Variants in IL18BP observed in about 807,000 individuals in gnomAD.
The protein encoded by IL18BP is interleukin-18-binding protein.
IL18BP carries 23 observed loss-of-function variants against 19.9 expected under a neutral mutation model. That is an observed-to-expected ratio of 1.15 (90% CI 0.83 to 1.64). The LOEUF (loss-of-function observed/expected upper bound fraction) is 1.64, where lower values mean the gene tolerates loss of function less well. Ranked by LOEUF, IL18BP falls within the 40% of genes most tolerant of loss-of-function variation. The probability of loss-of-function intolerance (pLI) is 0.00; values close to 1 mark genes in which losing one functional copy is unlikely to be tolerated. For synonymous variants in IL18BP, 107 were observed against 101.0 expected, an observed-to-expected ratio of 1.06 and a Z score of -0.35; for missense variants, 239 against 240.7, an observed-to-expected ratio of 0.99 and a Z score of 0.05.
Position 72,000,464 on chromosome 11 carries a change from A to G in IL18BP, c.142A>G (p.Lys48Glu). The G allele has an allele frequency of 1.2e-6, 2 of 1,613,912 alleles. No individual in the cohort carries two copies. Among genetic ancestry groups the G allele is most frequent in the Non-Finnish European group, 1.7e-6 (2 of 1,180,006 alleles). The change falls in exon 3 of 6, where the codon AAG becomes GAG. Residue 48 changes from lysine (K) to glutamate (E), a missense_variant. Physicochemically the swap from Lys to Glu is moderately conservative, Grantham distance 56 (BLOSUM62 1). Coordinates refer to ENST00000393703, the MANE Select transcript of IL18BP (RefSeq NM_001039660.2). ...TGCCACTGCCTCAGTTAGAAGCACAAAGGACCCCTGCCCCTCCCAGCCCCC... is the reference window on the plus strand; with the variant it reads ...TGCCACTGCCTCAGTTAGAAGCACAGAGGACCCCTGCCCCTCCCAGCCCCC... ...TAATASVRST[K>E]DPCPSQPPVF...
downstream of IL18BP, chr11:72,008,031 G>A: frequency 2.2e-6 from 1 of 453,684 alleles, no homozygotes; most frequent in South Asian, 1.6e-5. Flanking sequence ...GGGAACCTTG[G>A]GCAAGTGACT....
At chr11:72,004,940 G>A (rs748343562), downstream of IL18BP, 2 of 1,012,912 alleles carry the variant, frequency 2.0e-6, no homozygotes, top group Non-Finnish European at 2.8e-6. Flanking sequence ...GCCTCACGAG[G>A]TAGAAAGACA....
chr11:72,006,809 A>G (rs1356989233), downstream of IL18BP, among the ~76,000 whole-genome samples: 1 of 152,220 alleles, frequency 6.6e-6, no homozygotes, highest in African/African-American at 2.4e-5. Context: ...AAGATGTGGA[A>G]ACAAAGGCAA....
chr11:72,006,021 T>C (rs777680653), downstream of IL18BP: 2 of 1,597,932 alleles, frequency 1.3e-6, no homozygotes, highest in Non-Finnish European at 1.7e-6. Flanking sequence ...AGTAAGTCCC[T>C]GTAGTCCCCT....
rs937052022 is a variant in IL18BP, at chr11:72,002,046, C to T, written c.*185C>T. ...CCATTCCCACCTACCTAGAAAATCA[C>T]AGCCTCCTTATAATGCCTCCTCCTC... On this transcript the variant is annotated 3_prime_UTR_variant, in exon 6 of 6. Coordinates refer to ENST00000393703, the MANE Select transcript of IL18BP (RefSeq NM_001039660.2). The T allele has an allele frequency of 8.6e-6, 7 of 811,048 alleles. No individual in the cohort carries two copies. In the African/African-American group the frequency reaches 1.2e-4, roughly 14 times the overall value. The allele number at this position is 811,048 out of a possible 1,614,324, so 50.2% of individuals were successfully genotyped here. A position where few individuals can be genotyped will look rare whatever the true frequency, so the allele number is the denominator to read the frequency against.
At chr11:72,003,563 C>G (rs1281794393), downstream of IL18BP, 1 of 1,613,990 alleles carries the variant, frequency 6.2e-7, no homozygotes, top group African/African-American at 1.3e-5. Flanking sequence ...GTCACATGGC[C>G]AGATGAGAAC....
chr11:72,000,815 G>A (rs1376765155), intron 3 of IL18BP, among the ~76,000 whole-genome samples: 2 of 152,148 alleles, frequency 1.3e-5, no homozygotes, highest in East Asian at 1.9e-4. Flanking sequence ...GGTTGCAGTG[G>A]ACCCCAAGGC....
chr11:72,003,544 A>G, downstream of IL18BP: 1 of 1,614,182 alleles, frequency 6.2e-7, no homozygotes, highest in Non-Finnish European at 8.5e-7. Flanking sequence ...TTTGCCTGAA[A>G]GAGACACAGT....
At chr11:72,003,750 C>G, downstream of IL18BP, 1 of 1,039,004 alleles carries the variant, frequency 9.6e-7, no homozygotes, top group South Asian at 1.4e-5. Context: ...GAGGAGCTAC[C>G]AGGACAGGGA....
At chr11:72,004,538 G>A, downstream of IL18BP, 1 of 1,296,956 alleles carries the variant, frequency 7.7e-7, no homozygotes. Flanking sequence ...GAAAGAGAGG[G>A]GGAAGTGAGG....
At chr11:72,005,572 G>A (rs1955629690), downstream of IL18BP, 21 of 560,308 alleles carry the variant, frequency 3.7e-5, no homozygotes, top group South Asian at 2.4e-4. Context: ...TCTCCCTGGA[G>A]AGGGCAGAAG....
Position 72,002,110 on chromosome 11 carries a change from C to G in IL18BP, c.*249C>G. ...TCCACCTATCCATTAGCCTTCCTAA[C>G]GTCCTACTCCTCACACTGCTCTACT... is the stretch of plus-strand genomic sequence containing the variant. On this transcript the variant is annotated 3_prime_UTR_variant, in exon 6 of 6. Transcript: ENST00000393703. 2 of 598,804 alleles carry G rather than the reference C, an allele frequency of 3.3e-6. No homozygotes were observed. The highest frequency in any genetic ancestry group is 6.0e-6 in the Non-Finnish European group (2 of 333,870). The allele number at this position is 598,804 out of a possible 1,614,324, so 37.1% of individuals were successfully genotyped here. A position where few individuals can be genotyped will look rare whatever the true frequency, so the allele number is the denominator to read the frequency against.
chr11:72,002,203 A>C lies in IL18BP; in HGVS notation c.*342A>C. 3.2e-6 allele frequency: 1 copy of C among 315,538 alleles called. No homozygotes were observed. 19.5% of individuals were successfully genotyped at this position (315,538 alleles called of 1,614,324 possible). A position where few individuals can be genotyped will look rare whatever the true frequency, so the allele number is the denominator to read the frequency against. ...CCAGGGCCCTACCTGCATTTCCCAC[A>C]TGACTTTCTGGAAGCCTCCCAACTA... On this transcript the variant is annotated 3_prime_UTR_variant, in exon 6 of 6. Coordinates refer to ENST00000393703, the MANE Select transcript of IL18BP (RefSeq NM_001039660.2).
At chr11:72,005,965 CTT>C (rs1955657113), downstream of IL18BP, 5 of 1,309,850 alleles carry the variant, frequency 3.8e-6, no homozygotes, top group East Asian at 2.3e-5. Context: ...AAGCTTTCCT[CTT>C]TTCCCTGTGC....
downstream of IL18BP, among the ~76,000 whole-genome samples, chr11:72,006,531 C>T (rs1433291442): frequency 6.6e-6 from 1 of 152,124 alleles, no homozygotes; most frequent in Non-Finnish European, 1.5e-5. Flanking sequence ...GAGTGTTTAT[C>T]GGCCCATTTT....
chr11:72,004,495 T>G, downstream of IL18BP: 1 of 1,201,298 alleles, frequency 8.3e-7, no homozygotes, highest in Non-Finnish European at 1.2e-6. Context: ...TTCCCAACAG[T>G]TCCCATCCAT....
chr11:72,004,536 G>C (rs147980089), downstream of IL18BP: 1,319 of 1,307,540 alleles, frequency 1.0e-3, 1 homozygote, highest in Non-Finnish European at 1.3e-3. Flanking sequence ...GGGAAAGAGA[G>C]GGGGAAGTGA....
rs1955309637 is a variant in IL18BP at position 72,002,405 on chromosome 11, T to TA, written c.*544_*545insA. 6.2e-6 allele frequency: 1 copy of TA among 160,486 alleles called. No individual in the cohort carries two copies. Among genetic ancestry groups the TA allele is most frequent in the African/African-American group, 2.4e-5 (1 of 41,274 alleles). The allele number at this position is 160,486 out of a possible 1,614,324, so 9.9% of individuals were successfully genotyped here. ...ACTTCCTATCTTCGTGCTGTATGTTTTTTTTTTCCCCCTTCACTCTAATGG... is the reference window on the plus strand; with the variant it reads ...ACTTCCTATCTTCGTGCTGTATGTTTATTTTTTTCCCCCTTCACTCTAATGG... On this transcript the variant is annotated 3_prime_UTR_variant, in exon 6 of 6. Coordinates refer to ENST00000393703, the MANE Select transcript of IL18BP (RefSeq NM_001039660.2).
At chr11:72,004,779 A>C, downstream of IL18BP, 1 of 1,596,056 alleles carries the variant, frequency 6.3e-7, no homozygotes, top group South Asian at 1.1e-5. Flanking sequence ...TCCAGTTTTC[A>C]TCTCCTCATC....
Sources: allele counts gnomAD v4.1 joint callset (sites outside exome capture counted in the v4.1 genomes callset), GRCh38; gene constraint gnomAD v4.1.1; transcripts MANE v1.5; gene names NCBI Gene and HGNC (gene_info 2026-07-23, HGNC 2026-07-21).